SEPTIN9: variants seen among roughly 807,000 people sequenced by gnomAD.
SEPTIN9 encodes the protein septin 9.
SEPTIN9 carries 13 observed loss-of-function variants against 56.6 expected under a neutral mutation model. The observed-to-expected ratio is 0.23, with a 90% CI of 0.15 to 0.37. The LOEUF (loss-of-function observed/expected upper bound fraction) is 0.37, where lower values mean the gene tolerates loss of function less well. Ranked by LOEUF, SEPTIN9 falls within the 10% of genes least tolerant of loss-of-function variation. SEPTIN9 has a pLI of 1.00. For missense variants in SEPTIN9, 650 were observed against 823.1 expected (o/e 0.79, Z 2.57); for synonymous variants, 332 against 334.1 (o/e 0.99, Z 0.07).
chr17:77,282,732 A>C (rs2031086603), intron 1 of SEPTIN9, among the ~76,000 whole-genome samples: 1 of 152,236 alleles, frequency 6.6e-6, no homozygotes, highest in Admixed American at 6.5e-5. Context: ...CACCCGGAGC[A>C]CAGCTCTGTC....
chr17:77,307,286 C>T lies in SEPTIN9; in HGVS notation c.76+89C>T, dbSNP rs577960259. On this transcript the variant is annotated intron_variant, in intron 2 of 11. Transcript: ENST00000427177. Reference sequence around the variant, plus strand: ...CATTCTGGTCTGGGACCTGCCTCCCCACCTGGCTTCCCTGGATGAGTGGGG... The same window carrying T: ...CATTCTGGTCTGGGACCTGCCTCCCTACCTGGCTTCCCTGGATGAGTGGGG... 15 of 1,220,466 alleles carry T rather than the reference C, an allele frequency of 1.2e-5. No homozygotes were observed. In the African/African-American group the frequency reaches 2.1e-4, roughly 17 times the overall value. The allele number at this position is 1,220,466 out of a possible 1,614,324, so 75.6% of individuals were successfully genotyped here.
Position 77,329,035 on chromosome 17 carries a change from TG to T in SEPTIN9, c.76+21841del, listed in dbSNP as rs1175719663. Among the ~76,000 whole-genome samples, 1 of 151,610 alleles carries T rather than the reference TG, an allele frequency of 6.6e-6. No homozygotes were observed. Among genetic ancestry groups the T allele is most frequent in the African/African-American group, 2.4e-5 (1 of 41,208 alleles). ...GCCCGAGGCTGGAGCCTGGGGAAGGTGGGAGTGGCTGGAGTGTGTTTTCAGA... is the reference window on the plus strand; with the variant it reads ...GCCCGAGGCTGGAGCCTGGGGAAGGTGGAGTGGCTGGAGTGTGTTTTCAGA... On this transcript the variant is annotated intron_variant, in intron 2 of 11. Transcript: ENST00000427177. This position sits in a 1 kb window ranked among gnomAD's most constrained non-coding sequence, Gnocchi z 4.3.
intron 3 of SEPTIN9, among the ~76,000 whole-genome samples, chr17:77,420,465 C>G (rs552897371): frequency 2.2e-4 from 33 of 152,320 alleles, no homozygotes; most frequent in African/African-American, 7.9e-4. Flanking sequence ...GGCAGTCCCC[C>G]ACTTGTGCTT....
chr17:77,344,357 A>G (rs2033823665), intron 2 of SEPTIN9, among the ~76,000 whole-genome samples: 1 of 152,246 alleles, frequency 6.6e-6, no homozygotes, highest in South Asian at 2.1e-4. Flanking sequence ...CATGGATAAC[A>G]GCAAGTGTTG....
rs2040073300 is a variant in SEPTIN9 at position 77,492,523 on chromosome 17, C to T, written c.1381-98C>T. On this transcript the variant is annotated intron_variant, in intron 8 of 11. Transcript: ENST00000427177. The surrounding 1 kb of genome is among the most constrained non-coding windows in gnomAD (Gnocchi z 5.4). ...CCAGAGCCTGCCCTTGAACCCGAGCCTGGGGCAGCACACAGTGTGGAGGTC... is the reference window on the plus strand; with the variant it reads ...CCAGAGCCTGCCCTTGAACCCGAGCTTGGGGCAGCACACAGTGTGGAGGTC... 9.1e-7 allele frequency: 1 copy of T among 1,098,968 alleles called. No homozygotes were observed. The highest frequency in any genetic ancestry group is 1.4e-6 in the Non-Finnish European group (1 of 711,360). 68.1% of individuals were successfully genotyped at this position (1,098,968 alleles called of 1,614,324 possible).
Position 77,318,401 on chromosome 17 carries a change from G to T in SEPTIN9, c.76+11204G>T, listed in dbSNP as rs1166714361. ...CACCTAGACCATCCAGGGTGCTCTCGCCACAGCAAGATCTGCAACTGAATC... is the reference window on the plus strand; with the variant it reads ...CACCTAGACCATCCAGGGTGCTCTCTCCACAGCAAGATCTGCAACTGAATC... On this transcript the variant is annotated intron_variant, in intron 2 of 11. Coordinates refer to ENST00000427177, the MANE Select transcript of SEPTIN9 (RefSeq NM_001113491.2). This position sits in a 1 kb window ranked among gnomAD's most constrained non-coding sequence, Gnocchi z 4.9. Among the ~76,000 whole-genome samples, 1 of 151,810 alleles carries T rather than the reference G, an allele frequency of 6.6e-6. No homozygotes were observed. Among genetic ancestry groups the T allele is most frequent in the African/African-American group, 2.4e-5 (1 of 41,294 alleles).
At chr17:77,495,482 T>C (rs926412838) in intron 10 of SEPTIN9, among the ~76,000 whole-genome samples, 2 of 152,200 alleles carry the variant, frequency 1.3e-5, no homozygotes, top group Non-Finnish European at 2.9e-5. Flanking sequence ...CCAAGTATTG[T>C]CAATAGAAAT....
chr17:77,383,171 TC>T lies in SEPTIN9; in HGVS notation c.77-18885del, dbSNP rs1196742091. Among the ~76,000 whole-genome samples the T allele has an allele frequency of 9.3e-5, 4 of 43,078 alleles. No individual in the cohort carries two copies. The South Asian group carries it at 4.4e-3, about 48-fold the overall frequency. The allele number at this position is 43,078 out of a possible 152,430, so 28.3% of individuals were successfully genotyped here. ...CTCTTTCTTTCCCTCCCTCTTTCTC[TC>T]CCTCCCTCCTTCTCTCCCTCCCTCC... is the stretch of plus-strand genomic sequence containing the variant. On this transcript the variant is annotated intron_variant, in intron 2 of 11. Coordinates refer to ENST00000427177, the MANE Select transcript of SEPTIN9 (RefSeq NM_001113491.2).
chr17:77,371,752 G>A lies in SEPTIN9; in HGVS notation c.77-30307G>A, dbSNP rs887570985. Among the ~76,000 whole-genome samples, 2 of 152,218 alleles carry A rather than the reference G, an allele frequency of 1.3e-5. No individual in the cohort carries two copies. The highest frequency in any genetic ancestry group is 2.9e-5 in the Non-Finnish European group (2 of 68,030). On this transcript the variant is annotated intron_variant, in intron 2 of 11. Transcript: ENST00000427177. This position sits in a 1 kb window ranked among gnomAD's most constrained non-coding sequence, Gnocchi z 4.1. ...CTGAAACCCGGGCTCCCAGGCCGAC[G>A]AGGGTGTGCACGCATCTGAAATGTC...
intron 3 of SEPTIN9, among the ~76,000 whole-genome samples, chr17:77,404,911 A>G (rs1436976375): frequency 6.6e-6 from 1 of 152,198 alleles, no homozygotes. Flanking sequence ...TGTCAGGCCA[A>G]AGGCATGGGC....
chr17:77,486,446 G>A (rs2039782258), intron 4 of SEPTIN9, among the ~76,000 whole-genome samples: 1 of 151,586 alleles, frequency 6.6e-6, no homozygotes, highest in Non-Finnish European at 1.5e-5. Context: ...GCCCAAGGCA[G>A]CTCTGTGCAG....
chr17:77,423,917 C>A (rs1568057900), intron 3 of SEPTIN9, among the ~76,000 whole-genome samples: 1 of 151,644 alleles, frequency 6.6e-6, no homozygotes, highest in Admixed American at 6.6e-5. Context: ...TGGAGGGTGG[C>A]CGCCCGCCCT....
chr17:77,408,769 G>A (rs1048274771), intron 3 of SEPTIN9, among the ~76,000 whole-genome samples: 1 of 152,064 alleles, frequency 6.6e-6, no homozygotes, highest in African/African-American at 2.4e-5. Flanking sequence ...TTGGGGAGAG[G>A]GTGACCACTG....
chr17:77,462,959 A>G (rs2038546953), intron 3 of SEPTIN9, among the ~76,000 whole-genome samples: 2 of 152,096 alleles, frequency 1.3e-5, no homozygotes, highest in Non-Finnish European at 1.5e-5. Context: ...GAGCGTTTTT[A>G]TGCTGGGTTT....
chr17:77,401,172 A>T (rs1380571271), intron 2 of SEPTIN9, among the ~76,000 whole-genome samples: 2 of 152,082 alleles, frequency 1.3e-5, no homozygotes, highest in East Asian at 3.8e-4. Context: ...CCCCATCTGT[A>T]CTGGGGGTAC....
chr17:77,350,561 A>G (rs2034023337), intron 2 of SEPTIN9, among the ~76,000 whole-genome samples: 3 of 152,146 alleles, frequency 2.0e-5, no homozygotes, highest in African/African-American at 7.2e-5. Context: ...GTCACTCGCT[A>G]GAGCTCTAGA....
In SEPTIN9 at chr17:77,369,288, A is replaced by G. The variant is rs946816727; in HGVS notation, c.77-32771A>G. Among the ~76,000 whole-genome samples, 1 of 152,208 alleles carries G rather than the reference A, an allele frequency of 6.6e-6. No homozygotes were observed. Among genetic ancestry groups the G allele is most frequent in the Non-Finnish European group, 1.5e-5 (1 of 68,042 alleles). On this transcript the variant is annotated intron_variant, in intron 2 of 11. Coordinates refer to ENST00000427177, the MANE Select transcript of SEPTIN9 (RefSeq NM_001113491.2). The surrounding 1 kb of genome is among the most constrained non-coding windows in gnomAD (Gnocchi z 4.9). The stretch of plus-strand genomic sequence containing the variant: ...AGGCAGGAATATTGACACCACAGGA[A>G]TAGGCAAGCGCTACAAATCGGGAAA...
Position 77,492,600 on chromosome 17 carries a change from C to T in SEPTIN9, c.1381-21C>T, listed in dbSNP as rs779932371. 5.0e-6 allele frequency: 8 copies of T among 1,609,926 alleles called. No homozygotes were observed. Among genetic ancestry groups the T allele is most frequent in the Non-Finnish European group, 6.8e-6 (8 of 1,176,486 alleles). On this transcript the variant is annotated intron_variant, in intron 8 of 11. Transcript: ENST00000427177. The surrounding 1 kb of genome is among the most constrained non-coding windows in gnomAD (Gnocchi z 5.4). ...GAGCTTGCCACAGGGATGGGCCCAT[C>T]TCTCTCCCTCCTTATCCCAGATCAC...
intron 2 of SEPTIN9, among the ~76,000 whole-genome samples, chr17:77,358,831 T>A (rs1208800217): frequency 6.6e-6 from 1 of 152,126 alleles, no homozygotes; most frequent in African/African-American, 2.4e-5. Context: ...TGGCCATACC[T>A]TGAGTTAGTC....
Sources: allele counts gnomAD v4.1 joint callset (sites outside exome capture counted in the v4.1 genomes callset), GRCh38; gene constraint gnomAD v4.1.1; non-coding constraint Gnocchi (gnomAD v3.1); transcripts MANE v1.5; gene names NCBI Gene and HGNC (gene_info 2026-07-23, HGNC 2026-07-21).